Variants in PSEN1 observed in about 807,000 individuals in gnomAD.
PSEN1 encodes the protein presenilin 1, also known as presenilin-1.
A neutral mutation model predicts 53.5 loss-of-function variants in PSEN1; 15 were observed. The ratio of observed to expected loss-of-function variants is 0.28; its 90% CI spans 0.19 to 0.43. The LOEUF is 0.43. Among genes scored for constraint, PSEN1 ranks in the 20% least tolerant of loss-of-function variants. The probability of loss-of-function intolerance (pLI) is 1.00; values close to 1 mark genes in which losing one functional copy is unlikely to be tolerated. For missense variants in PSEN1, 387 were observed against 571.2 expected (o/e 0.68, Z 3.29); for synonymous variants, 208 against 209.8 (o/e 0.99, Z 0.08).
Position 73,183,841 on chromosome 14 carries a change from G to A in PSEN1, c.481-3012G>A, listed in dbSNP as rs1215074744. 5.3e-4 allele frequency among the ~76,000 whole-genome samples: 80 copies of A among 151,620 alleles called. 1 individual carries two copies. Among genetic ancestry groups the A allele is most frequent in the African/African-American group, 7.3e-4 (30 of 41,178 alleles). ...ACCTCCCAGACGGGGTGGTGGCCGGGCAGAGGGGCTCCTCACTTCCCAGTA... is the reference window on the plus strand; with the variant it reads ...ACCTCCCAGACGGGGTGGTGGCCGGACAGAGGGGCTCCTCACTTCCCAGTA... On this transcript the variant is annotated intron_variant, in intron 5 of 11. Coordinates refer to ENST00000324501, the MANE Select transcript of PSEN1 (RefSeq NM_000021.4).
intron 8 of PSEN1, among the ~76,000 whole-genome samples, chr14:73,202,907 G>A (rs1402167206): frequency 6.6e-6 from 1 of 152,152 alleles, no homozygotes; most frequent in African/African-American, 2.4e-5. Flanking sequence ...CACAGAATAT[G>A]AGACATTCTG....
chr14:73,191,472 C>T (rs1595032861), intron 6 of PSEN1, among the ~76,000 whole-genome samples: 1 of 152,112 alleles, frequency 6.6e-6, no homozygotes, highest in Non-Finnish European at 1.5e-5. Context: ...TAAGCATAAA[C>T]TTTGGGTTTC....
At chr14:73,187,001 T>C (rs937311837) in intron 6 of PSEN1, 81 bp downstream of exon 6, 1 of 1,115,872 alleles carries the variant, frequency 9.0e-7, no homozygotes. Flanking sequence ...CCATGTACTT[T>C]GTTGATGAAT....
intron 5 of PSEN1, among the ~76,000 whole-genome samples, chr14:73,177,805 C>A (rs1348109144): frequency 6.6e-6 from 1 of 152,036 alleles, no homozygotes; most frequent in African/African-American, 2.4e-5. Context: ...TTTTCTTTTT[C>A]TTTTCAGCAG....
At chr14:73,162,306 A>G (rs1897571516) in intron 3 of PSEN1, among the ~76,000 whole-genome samples, 2 of 151,958 alleles carry the variant, frequency 1.3e-5, no homozygotes, top group Non-Finnish European at 2.9e-5. Flanking sequence ...ATTGGTAAAA[A>G]TCTAAGCACT....
At chr14:73,158,392 C>G (rs903529175) in intron 3 of PSEN1, among the ~76,000 whole-genome samples, 5 of 151,796 alleles carry the variant, frequency 3.3e-5, no homozygotes, top group African/African-American at 1.2e-4. Context: ...GTGGCATGAT[C>G]TTGGCTCACT....
At chr14:73,170,427 C>A (rs1322390163) in intron 3 of PSEN1, among the ~76,000 whole-genome samples, 1 of 152,192 alleles carries the variant, frequency 6.6e-6, no homozygotes, top group Non-Finnish European at 1.5e-5. Flanking sequence ...TAGTTCCTTG[C>A]ATATGTGGTC....
chr14:73,201,299 G>A (rs901475376), intron 8 of PSEN1, among the ~76,000 whole-genome samples: 1 of 152,122 alleles, frequency 6.6e-6, no homozygotes, highest in Non-Finnish European at 1.5e-5. Flanking sequence ...TGTTAGCCAG[G>A]ATGGTCTCGA....
intron 5 of PSEN1, among the ~76,000 whole-genome samples, chr14:73,183,713 G>A (rs1415695771): frequency 3.3e-5 from 5 of 150,476 alleles, no homozygotes; most frequent in African/African-American, 4.9e-5. Context: ...ACACAGACAC[G>A]GCAACCATCC....
intron 4 of PSEN1, among the ~76,000 whole-genome samples, chr14:73,172,485 A>G (rs1265523267): frequency 1.3e-5 from 2 of 152,360 alleles, no homozygotes; most frequent in Middle Eastern, 3.4e-3. Flanking sequence ...TCTGTCTGCT[A>G]CCTTTCCACA....
chr14:73,185,640 G>T (rs1898481965), intron 5 of PSEN1, among the ~76,000 whole-genome samples: 1 of 152,056 alleles, frequency 6.6e-6, no homozygotes, highest in Non-Finnish European at 1.5e-5. Flanking sequence ...GAGGGAGAGC[G>T]CTTAAAACAA....
At chr14:73,159,279 T>A (rs1897458600) in intron 3 of PSEN1, among the ~76,000 whole-genome samples, 1 of 151,934 alleles carries the variant, frequency 6.6e-6, no homozygotes, top group African/African-American at 2.4e-5. Context: ...ACTCCTGAGC[T>A]CAAAGAATTC....
intron 6 of PSEN1, 56 bp downstream of exon 6, chr14:73,186,976 A>G (rs931270801): frequency 2.2e-6 from 3 of 1,345,362 alleles, no homozygotes; most frequent in African/African-American, 2.9e-5. Context: ...TGTGCTGTGT[A>G]GCTATCATTT....
chr14:73,176,780 T>C lies in PSEN1; in HGVS notation c.480+3073T>C, dbSNP rs75467834. 9.0e-3 allele frequency among the ~76,000 whole-genome samples: 1,377 copies of C among 152,312 alleles called. 24 individuals are homozygous for C. The highest frequency in any genetic ancestry group is 0.032 in the African/African-American group (1,323 of 41,554). On this transcript the variant is annotated intron_variant, in intron 5 of 11. Coordinates refer to ENST00000324501, the MANE Select transcript of PSEN1 (RefSeq NM_000021.4). Reference sequence around the variant, plus strand: ...TATCCCAGTTTTATGGATGAGGCACTGAGGCAGGGGTCACACAGCTAGTGT... The same window carrying C: ...TATCCCAGTTTTATGGATGAGGCACCGAGGCAGGGGTCACACAGCTAGTGT...
At chr14:73,212,220 C>T (rs1427836776) in intron 10 of PSEN1, among the ~76,000 whole-genome samples, 1 of 146,986 alleles carries the variant, frequency 6.8e-6, no homozygotes, top group Non-Finnish European at 1.5e-5. Flanking sequence ...AAGTGATTCT[C>T]CTGCCTCAGC....
chr14:73,185,328 G>A (rs1433853450), intron 5 of PSEN1, among the ~76,000 whole-genome samples: 1 of 152,216 alleles, frequency 6.6e-6, no homozygotes, highest in Non-Finnish European at 1.5e-5. Flanking sequence ...TGAGCACTGA[G>A]TGAACGAGAC....
intron 5 of PSEN1, among the ~76,000 whole-genome samples, chr14:73,178,248 C>A (rs890691961): frequency 2.3e-5 from 3 of 133,182 alleles, no homozygotes; most frequent in African/African-American, 5.8e-5. Flanking sequence ...GAGACCGAGT[C>A]TCGCTTTGTC....
At chr14:73,153,945 C>T (rs61986879) in intron 3 of PSEN1, among the ~76,000 whole-genome samples, 8,696 of 151,992 alleles carry the variant, frequency 0.057, 331 homozygotes, top group Non-Finnish European at 0.089. Flanking sequence ...AACTCCTGAC[C>T]TCAAGTGATC....
At chr14:73,169,005 A>T (rs1443316167) in intron 3 of PSEN1, 1 of 152,182 alleles carries the variant, frequency 6.6e-6, no homozygotes, top group Non-Finnish European at 1.5e-5. Context: ...AAGGGGTTTG[A>T]GTGTGTGGTG....
Sources: gnomAD v4.1 joint callset for allele counts (sites outside exome capture counted in the v4.1 genomes callset) on GRCh38, gnomAD v4.1.1 for gene constraint, MANE v1.5 for transcripts, NCBI Gene and HGNC (gene_info 2026-07-23, HGNC 2026-07-21) for gene names.